The following BMERB1 variants were observed in gnomAD, a reference collection of about 807,000 sequenced individuals.
BMERB1 encodes the protein bMERB domain-containing protein 1.
In BMERB1, 12 loss-of-function variants were observed where a neutral mutation model predicts 23.6. The ratio of observed to expected loss-of-function variants is 0.51; its 90% CI spans 0.33 to 0.82. The LOEUF is 0.82. Ranked by LOEUF, BMERB1 falls within the 40% of genes least tolerant of loss-of-function variation. BMERB1 has a pLI of 0.03. For synonymous variants in BMERB1, 122 were observed against 96.6 expected (o/e 1.26, Z -1.54); for missense variants, 247 against 255.4 (o/e 0.97, Z 0.22).
At chr16:15,519,855 G>T (rs979201138) in intron 2 of BMERB1, among the ~76,000 whole-genome samples, 1 of 152,008 alleles carries the variant, frequency 6.6e-6, no homozygotes, top group Non-Finnish European at 1.5e-5. Context: ...TTCCTGCCAC[G>T]ACAGTGAGGA....
At position 15,522,069 on chromosome 16, in the gene BMERB1, A is replaced by C. The variant is rs114820894; in HGVS notation, c.230+6641A>C. ...GTCTACCAACCCGCTCCTGCTGTTT[A>C]TCTGGGTTTCAGATAATTAAGTATC... On this transcript the variant is annotated intron_variant, in intron 2 of 5. Transcript: ENST00000300006. Among the ~76,000 whole-genome samples, 1,200 of 152,230 alleles carry C rather than the reference A, an allele frequency of 7.9e-3. 20 individuals are homozygous for C. The highest frequency in any genetic ancestry group is 0.027 in the African/African-American group (1,130 of 41,534).
intron 2 of BMERB1, among the ~76,000 whole-genome samples, chr16:15,562,036 G>A (rs997273331): frequency 2.0e-5 from 3 of 152,052 alleles, no homozygotes; most frequent in Admixed American, 6.5e-5. Flanking sequence ...GGCTAGGTGC[G>A]GTGGCTCACG....
intron 2 of BMERB1, among the ~76,000 whole-genome samples, chr16:15,549,432 G>C (rs994673748): frequency 6.6e-6 from 1 of 151,900 alleles, no homozygotes; most frequent in Non-Finnish European, 1.5e-5. Flanking sequence ...TGTAATCCCA[G>C]CACTTTGGGA....
intron 1 of BMERB1, among the ~76,000 whole-genome samples, chr16:15,499,857 C>CTTCCAT (rs1291330447): frequency 3.3e-5 from 5 of 152,054 alleles, no homozygotes; most frequent in Admixed American, 6.6e-5. Flanking sequence ...CATCAAAGAC[C>CTTCCAT]TTCCAGCTCC....
rs564727644 is a variant in BMERB1 at position 15,536,398 on chromosome 16, C to T, written c.230+20970C>T. Among the ~76,000 whole-genome samples, 7 of 152,246 alleles carry T rather than the reference C, an allele frequency of 4.6e-5. No homozygotes were observed. The South Asian group carries it at 6.2e-4, about 14-fold the overall frequency. On this transcript the variant is annotated intron_variant, in intron 2 of 5. Transcript: ENST00000300006. ...CTGCCACTCCATCTTAACAGCTGGA[C>T]GCATCTGACTCTCATATCAGCTGTC...
intron 3 of BMERB1, chr16:15,577,262 C>G (rs563710135): frequency 6.6e-6 from 1 of 152,256 alleles, no homozygotes; most frequent in African/African-American, 2.4e-5. Context: ...ATGTCTACAG[C>G]TCGATTTTAC....
At chr16:15,460,513 G>T (rs367585241) in intron 1 of BMERB1, among the ~76,000 whole-genome samples, 1 of 152,044 alleles carries the variant, frequency 6.6e-6, no homozygotes, top group Non-Finnish European at 1.5e-5. Context: ...ACTCATTATC[G>T]GAGCAGGATC....
intron 2 of BMERB1, among the ~76,000 whole-genome samples, chr16:15,517,909 G>T (rs1379976204): frequency 6.9e-6 from 1 of 145,226 alleles, no homozygotes; most frequent in Non-Finnish European, 1.5e-5. Flanking sequence ...CTGTGTGTGT[G>T]TATGTGTGTG....
intron 2 of BMERB1, among the ~76,000 whole-genome samples, chr16:15,552,703 T>TA (rs1297871530): frequency 5.8e-4 from 89 of 152,322 alleles, no homozygotes; most frequent in African/African-American, 2.0e-3. Context: ...CCACATGGCC[T>TA]TGGTAGCTGG....
At chr16:15,501,055 T>C (rs2051524267) in intron 1 of BMERB1, among the ~76,000 whole-genome samples, 1 of 152,244 alleles carries the variant, frequency 6.6e-6, no homozygotes, top group African/African-American at 2.4e-5. Flanking sequence ...CTTTAATATA[T>C]TGATTACATT....
intron 1 of BMERB1, among the ~76,000 whole-genome samples, chr16:15,499,526 A>G (rs1396352804): frequency 6.6e-6 from 1 of 152,214 alleles, no homozygotes; most frequent in Non-Finnish European, 1.5e-5. Context: ...GAGGAAGAGC[A>G]TGTTTCCAGA....
chr16:15,459,509 C>G (rs529045869), intron 1 of BMERB1, among the ~76,000 whole-genome samples: 1 of 152,032 alleles, frequency 6.6e-6, no homozygotes, highest in South Asian at 2.1e-4. Flanking sequence ...AAATTTAAGA[C>G]AAAAAATGTT....
intron 1 of BMERB1, among the ~76,000 whole-genome samples, chr16:15,444,185 G>C (rs1357161758): frequency 8.3e-6 from 1 of 119,952 alleles, no homozygotes; most frequent in African/African-American, 3.2e-5. Context: ...ATGGATCCTG[G>C]GACTGCCTGG....
intron 1 of BMERB1, among the ~76,000 whole-genome samples, chr16:15,481,899 A>AT (rs951888450): frequency 4.5e-4 from 65 of 144,122 alleles, no homozygotes; most frequent in Middle Eastern, 3.6e-3. Flanking sequence ...AAATTTTTGT[A>AT]TTTTTTTTTT....
intron 3 of BMERB1, among the ~76,000 whole-genome samples, chr16:15,577,422 G>T (rs1224976190): frequency 6.6e-6 from 1 of 152,198 alleles, no homozygotes; most frequent in African/African-American, 2.4e-5. Flanking sequence ...CGAGTCTGAA[G>T]CAACTTGATA....
At chr16:15,502,190 T>C (rs1222688499) in intron 1 of BMERB1, 1 of 1,151,334 alleles carries the variant, frequency 8.7e-7, no homozygotes, top group Non-Finnish European at 1.3e-6. Context: ...TTTGTGTCCT[T>C]TGACACGTCA....
At chr16:15,534,000 G>T (rs1436793963) in intron 2 of BMERB1, among the ~76,000 whole-genome samples, 1 of 152,020 alleles carries the variant, frequency 6.6e-6, no homozygotes, top group Non-Finnish European at 1.5e-5. Context: ...CCTAGGCTTG[G>T]TTCCTTGAGT....
intron 2 of BMERB1, among the ~76,000 whole-genome samples, chr16:15,566,651 G>C (rs2030572617): frequency 6.6e-6 from 1 of 151,926 alleles, no homozygotes; most frequent in Admixed American, 6.6e-5. Flanking sequence ...GGGTGATACA[G>C]TGAGACTGTC....
intron 2 of BMERB1, among the ~76,000 whole-genome samples, chr16:15,518,355 G>A (rs1271595499): frequency 6.6e-6 from 1 of 152,162 alleles, no homozygotes; most frequent in Non-Finnish European, 1.5e-5. Context: ...TGTCTTGCTG[G>A]AATGGAGTCC....
Sources: allele counts gnomAD v4.1 joint callset (sites outside exome capture counted in the v4.1 genomes callset), GRCh38; gene constraint gnomAD v4.1.1; transcripts MANE v1.5; gene names NCBI Gene and HGNC (gene_info 2026-07-23, HGNC 2026-07-21).